The following SLC9A7 variants were observed in gnomAD, a reference collection of about 807,000 sequenced individuals.
SLC9A7 encodes sodium/hydrogen exchanger 7.
Under a neutral mutation model 52.6 loss-of-function variants are expected in SLC9A7, and 19 were observed. That is an observed-to-expected ratio of 0.36 (90% confidence interval 0.25 to 0.53). The LOEUF is 0.53. Among genes scored for constraint, SLC9A7 ranks in the 20% least tolerant of loss-of-function variants. The pLI is 0.91. For missense variants in SLC9A7, 455 were observed against 597.9 expected, an observed-to-expected ratio of 0.76 and a Z score of 2.49; for synonymous variants, 226 against 252.1, an observed-to-expected ratio of 0.90 and a Z score of 0.98.
chrX:46,624,838 C>G (rs1473919731), intron 14 of SLC9A7, among the ~76,000 whole-genome samples: 1 of 112,211 alleles, frequency 8.9e-6, no homozygotes, highest in East Asian at 2.8e-4. Flanking sequence ...TACCACCAAC[C>G]CTGCTTATTA....
intron 1 of SLC9A7, among the ~76,000 whole-genome samples, chrX:46,748,302 C>A (rs749598357): frequency 9.9e-6 from 1 of 101,348 alleles, no homozygotes; most frequent in Non-Finnish European, 2.0e-5. Context: ...GCCGAGATTG[C>A]GCCATTGCAC....
At chrX:46,658,918 CA>C (rs1195650938) in intron 7 of SLC9A7, among the ~76,000 whole-genome samples, 1 of 110,505 alleles carries the variant, frequency 9.0e-6, no homozygotes, top group Non-Finnish European at 1.9e-5. Flanking sequence ...GAGACACAAC[CA>C]AAAAAGAGAA....
At chrX:46,626,840 G>A (rs1005316975) in intron 14 of SLC9A7, among the ~76,000 whole-genome samples, 2 of 112,087 alleles carry the variant, frequency 1.8e-5, no homozygotes, top group African/African-American at 6.5e-5. Context: ...CGTTTCCTGA[G>A]GCCTCCCAGC....
At position 46,701,530 on chromosome X, in the gene SLC9A7, T is replaced by C. The variant is rs182885821; in HGVS notation, c.326-18995A>G. Among the ~76,000 whole-genome samples, 815 of 111,536 alleles carry C rather than the reference T, an allele frequency of 7.3e-3. 5 individuals are homozygous for C. Among genetic ancestry groups the C allele is most frequent in the African/African-American group, 0.025 (773 of 30,651 alleles). Reference sequence around the variant, plus strand: ...TGAACCCAGCAGGCGGAGGTTGCAGTGAGCCGAGATCACGCCACTGCATTC... The same window carrying C: ...TGAACCCAGCAGGCGGAGGTTGCAGCGAGCCGAGATCACGCCACTGCATTC... On this transcript the variant is annotated intron_variant, in intron 1 of 16. Transcript: ENST00000616978.
intron 7 of SLC9A7, among the ~76,000 whole-genome samples, chrX:46,655,244 C>G (rs1458836839): frequency 9.0e-6 from 1 of 111,449 alleles, no homozygotes; most frequent in African/African-American, 3.3e-5. Context: ...CCTGGCCTTC[C>G]AAAGTGCTGG....
At chrX:46,645,400 C>T (rs1425815254) in intron 11 of SLC9A7, among the ~76,000 whole-genome samples, 1 of 111,789 alleles carries the variant, frequency 8.9e-6, no homozygotes, top group Admixed American at 9.5e-5. Context: ...CTCCACTCTA[C>T]CTACAGTGGT....
At chrX:46,675,060 A>AGTGTGTGT (rs1332474489) in intron 3 of SLC9A7, among the ~76,000 whole-genome samples, 18 of 39,865 alleles carry the variant, frequency 4.5e-4, no homozygotes, top group Non-Finnish European at 8.4e-4. Flanking sequence ...AGAGAGAGTG[A>AGTGTGTGT]ATGTGTGTGT....
chrX:46,747,865 A>AT (rs1336458419), intron 1 of SLC9A7, among the ~76,000 whole-genome samples: 3 of 111,122 alleles, frequency 2.7e-5, no homozygotes, highest in South Asian at 7.5e-4. Context: ...GGTGGCTATC[A>AT]TTTTTTTTTA....
At chrX:46,653,122 T>C (rs1038965592) in intron 8 of SLC9A7, among the ~76,000 whole-genome samples, 7 of 112,301 alleles carry the variant, frequency 6.2e-5, no homozygotes, top group African/African-American at 2.3e-4. Flanking sequence ...AGGCTGGGCA[T>C]GGTGGCTCAT....
intron 1 of SLC9A7, among the ~76,000 whole-genome samples, chrX:46,744,306 GTT>G (rs1344091083): frequency 8.9e-6 from 1 of 112,559 alleles, no homozygotes; most frequent in Non-Finnish European, 1.9e-5. Context: ...AGGAAATGTA[GTT>G]TTCTTATTGC....
At chrX:46,615,588 C>T (rs1464157008) in intron 15 of SLC9A7, among the ~76,000 whole-genome samples, 1 of 109,620 alleles carries the variant, frequency 9.1e-6, no homozygotes, top group Non-Finnish European at 1.9e-5. Context: ...CAAGCTCCCC[C>T]TTCCTCCTCT....
chrX:46,689,210 GT>G (rs754264920), intron 1 of SLC9A7, among the ~76,000 whole-genome samples: 1 of 111,865 alleles, frequency 8.9e-6, no homozygotes, highest in African/African-American at 3.3e-5. Context: ...GTTTTGTTTT[GT>G]TTTTTCCATT....
intron 1 of SLC9A7, among the ~76,000 whole-genome samples, chrX:46,731,456 G>C (rs1179535185): frequency 1.6e-4 from 7 of 43,617 alleles, no homozygotes; most frequent in African/African-American, 3.8e-4. Flanking sequence ...ATTAAAATTA[G>C]CCAGGTGTGG....
intron 1 of SLC9A7, among the ~76,000 whole-genome samples, chrX:46,744,755 A>T (rs1241275566): frequency 8.9e-6 from 1 of 111,934 alleles, no homozygotes; most frequent in Non-Finnish European, 1.9e-5. Flanking sequence ...CAGAATCTTA[A>T]TTTTTTAAAA....
chrX:46,605,172 C>A lies in SLC9A7; in HGVS notation c.*1780G>T, dbSNP rs1942723058. The A allele has an allele frequency of 1.1e-5, 1 of 87,347 alleles. No individual in the cohort carries two copies. Among genetic ancestry groups the A allele is most frequent in the Admixed American group, 1.4e-4 (1 of 6,898 alleles). 7.2% of individuals were successfully genotyped at this position (87,347 alleles called of 1,213,427 possible). A position where few individuals can be genotyped will look rare whatever the true frequency, so the allele number is the denominator to read the frequency against. ...CGCCACTGCACTCCAGCCTGGGTGA[C>A]ACAGCGAGACTCCATCTCAAAAAAA... On this transcript the variant is annotated 3_prime_UTR_variant, in exon 17 of 17. Transcript: ENST00000616978.
chrX:46,625,056 C>T (rs1018029233), intron 14 of SLC9A7, among the ~76,000 whole-genome samples: 5 of 110,519 alleles, frequency 4.5e-5, no homozygotes, highest in Non-Finnish European at 9.5e-5. Context: ...TATTGACTGA[C>T]AAATATAATG....
At chrX:46,640,985 T>C (rs1224820469) in intron 12 of SLC9A7, among the ~76,000 whole-genome samples, 4 of 112,495 alleles carry the variant, frequency 3.6e-5, no homozygotes, top group Non-Finnish European at 1.9e-5. Flanking sequence ...CAGTTTCTTA[T>C]AAAACTAAAC....
At chrX:46,660,784 T>TAGTTC (rs1943801484) in intron 7 of SLC9A7, among the ~76,000 whole-genome samples, 1 of 108,254 alleles carries the variant, frequency 9.2e-6, no homozygotes, top group African/African-American at 3.4e-5. Flanking sequence ...GACTGTAAAC[T>TAGTTC]AGTTCAACCA....
chrX:46,713,029 AAAC>A (rs1944714230), intron 1 of SLC9A7, among the ~76,000 whole-genome samples: 1 of 112,486 alleles, frequency 8.9e-6, no homozygotes, highest in African/African-American at 3.2e-5. Context: ...TTGATAACTG[AAAC>A]AAAAAGGAAG....
Sources: allele counts gnomAD v4.1 joint callset (sites outside exome capture counted in the v4.1 genomes callset), GRCh38; gene constraint gnomAD v4.1.1; transcripts MANE v1.5; gene names NCBI Gene and HGNC (gene_info 2026-07-23, HGNC 2026-07-21).